Variants in RPS6KC1 observed in about 807,000 individuals in gnomAD.
RPS6KC1 encodes ribosomal protein S6 kinase C1.
Under a neutral mutation model 103.8 loss-of-function variants are expected in RPS6KC1, and 54 were observed. That is an observed-to-expected ratio of 0.52 (90% confidence interval 0.42 to 0.65). The LOEUF is 0.65. RPS6KC1 is among the 30% of genes least tolerant of loss of function. RPS6KC1 has a pLI of 0.00. For synonymous variants in RPS6KC1, 439 were observed against 438.7 expected (o/e 1.00, Z -0.01); for missense variants, 1,151 against 1,253.8 (o/e 0.92, Z 1.24).
the RPS6KC1 span, among the ~76,000 whole-genome samples, chr1:213,729,347 G>C: frequency 6.6e-6 from 1 of 152,054 alleles, no homozygotes; most frequent in African/African-American, 2.4e-5. Flanking sequence ...CGACTCCTTT[G>C]GTGTCCTGGG....
At chr1:213,785,973 G>T in the RPS6KC1 span, among the ~76,000 whole-genome samples, 1 of 152,086 alleles carries the variant, frequency 6.6e-6, no homozygotes, top group South Asian at 2.1e-4. Flanking sequence ...AATAGGTAAA[G>T]GAAGCCCTTG....
chr1:213,511,849 C>T, the RPS6KC1 span, among the ~76,000 whole-genome samples: 2 of 152,184 alleles, frequency 1.3e-5, no homozygotes, highest in African/African-American at 4.8e-5. Context: ...TTTCCAGGCA[C>T]TTGTCACCTT....
the RPS6KC1 span, chr1:213,821,949 T>G: frequency 1.3e-5 from 2 of 152,242 alleles, no homozygotes; most frequent in African/African-American, 4.8e-5. Context: ...GGGGTTTTAT[T>G]GGTTTTCATA....
the RPS6KC1 span, among the ~76,000 whole-genome samples, chr1:213,441,506 G>T: frequency 6.6e-6 from 1 of 152,162 alleles, no homozygotes; most frequent in Non-Finnish European, 1.5e-5. Context: ...TCACATTGTT[G>T]TAAGTGACAG....
intron 7 of RPS6KC1, among the ~76,000 whole-genome samples, chr1:213,169,894 G>T (rs774615401): frequency 2.1e-4 from 32 of 149,724 alleles, no homozygotes; most frequent in Admixed American, 5.4e-4. Context: ...CGATTCTCCT[G>T]CCTCAGCCTC....
chr1:213,060,082 T>C (rs1035472772), intron 1 of RPS6KC1, among the ~76,000 whole-genome samples: 6 of 152,240 alleles, frequency 3.9e-5, no homozygotes, highest in African/African-American at 1.4e-4. Flanking sequence ...CCTCCCAAAG[T>C]GCTGGGATTG....
chr1:213,092,078 C>T lies in RPS6KC1; in HGVS notation c.263-12376C>T, dbSNP rs150641067. On this transcript the variant is annotated intron_variant, in intron 3 of 14. Transcript: ENST00000366960. ...TGCTAAGAGGTCAGCAGTTTTATTA[C>T]CATTGCTTTTAGATCATCAGTGCAA... Among the ~76,000 whole-genome samples the T allele has an allele frequency of 2.3e-3, 342 of 151,878 alleles. 1 individual carries two copies. The highest frequency in any genetic ancestry group is 4.0e-3 in the Non-Finnish European group (270 of 67,970).
At position 213,104,231 on chromosome 1, in the gene RPS6KC1, C is replaced by T. The variant is rs2082267051; in HGVS notation, c.263-223C>T. 2.6e-5 allele frequency among the ~76,000 whole-genome samples: 4 copies of T among 152,152 alleles called. No homozygotes were observed. In the South Asian group the frequency reaches 8.3e-4, roughly 31 times the overall value. On this transcript the variant is annotated intron_variant, in intron 3 of 14. Transcript: ENST00000366960. ...AATTATGAATGTACCATTTATTTAT[C>T]GGTTGACACCTTTGTCTCTTGTTTT...
At chr1:213,533,905 G>C in the RPS6KC1 span, among the ~76,000 whole-genome samples, 1 of 152,228 alleles carries the variant, frequency 6.6e-6, no homozygotes, top group Non-Finnish European at 1.5e-5. Context: ...TCTCAACACT[G>C]TGTGCCTAGA....
intron 3 of RPS6KC1, among the ~76,000 whole-genome samples, chr1:213,098,644 G>A (rs890432052): frequency 1.3e-5 from 2 of 152,032 alleles, no homozygotes; most frequent in Non-Finnish European, 2.9e-5. Context: ...CTAAGTTTGC[G>A]TTTTATATTC....
intron 8 of RPS6KC1, among the ~76,000 whole-genome samples, chr1:213,222,588 G>C (rs1308212622): frequency 6.6e-6 from 1 of 152,124 alleles, no homozygotes; most frequent in Non-Finnish European, 1.5e-5. Context: ...GCCTTCTGAT[G>C]CCAAAGAAAG....
At chr1:213,626,907 G>A in the RPS6KC1 span, among the ~76,000 whole-genome samples, 11 of 152,032 alleles carry the variant, frequency 7.2e-5, no homozygotes, top group East Asian at 1.9e-4. Flanking sequence ...TGGGCGATGC[G>A]GGCTCTTTTT....
At chr1:213,409,556 T>C in the RPS6KC1 span, among the ~76,000 whole-genome samples, 1 of 152,092 alleles carries the variant, frequency 6.6e-6, no homozygotes, top group African/African-American at 2.4e-5. Context: ...AGCTGATTTG[T>C]GGTTGAAAGA....
chr1:213,415,986 C>T, the RPS6KC1 span, among the ~76,000 whole-genome samples: 1 of 152,172 alleles, frequency 6.6e-6, no homozygotes, highest in African/African-American at 2.4e-5. Context: ...GACGGAGAAG[C>T]TCTGGAAAGG....
chr1:213,482,971 T>A, the RPS6KC1 span, among the ~76,000 whole-genome samples: 1 of 152,232 alleles, frequency 6.6e-6, no homozygotes, highest in African/African-American at 2.4e-5. Context: ...ATGATATCTC[T>A]TTGTTGTTGT....
At chr1:213,805,267 C>G in the RPS6KC1 span, among the ~76,000 whole-genome samples, 8 of 152,138 alleles carry the variant, frequency 5.3e-5, no homozygotes. Context: ...TCAATTGACT[C>G]AATCACAAAA....
the RPS6KC1 span, among the ~76,000 whole-genome samples, chr1:213,416,016 T>G: frequency 0.67 from 102,150 of 152,064 alleles, 34,594 homozygotes; most frequent in African/African-American, 0.68. Context: ...CAAAATCTTG[T>G]ACCAAGAGCT....
rs1257622664 is a variant in RPS6KC1 at position 213,051,287 on chromosome 1, C to T, written c.-118C>T. The T allele has an allele frequency of 4.2e-6, 3 of 717,656 alleles. No homozygotes were observed. The highest frequency in any genetic ancestry group is 7.1e-6 in the Non-Finnish European group (3 of 419,912). 44.5% of individuals were successfully genotyped at this position (717,656 alleles called of 1,614,324 possible). On this transcript the variant is annotated 5_prime_UTR_variant, in exon 1 of 15. Coordinates refer to ENST00000366960, the MANE Select transcript of RPS6KC1 (RefSeq NM_012424.6). ...AGCTGAGGCGCCGCCGTGGAGCCGC[C>T]TTGGAGCCACCGCCCCCTCGCCGCT...
chr1:213,367,754 T>C, the RPS6KC1 span, among the ~76,000 whole-genome samples: 1 of 152,204 alleles, frequency 6.6e-6, no homozygotes, highest in Non-Finnish European at 1.5e-5. Flanking sequence ...TTTTGACTAG[T>C]AGGGCTCTAA....
Sources: allele counts gnomAD v4.1 joint callset (sites outside exome capture counted in the v4.1 genomes callset), GRCh38; gene constraint gnomAD v4.1.1; transcripts MANE v1.5; gene names NCBI Gene and HGNC (gene_info 2026-07-23, HGNC 2026-07-21).